DPP10: variants seen among roughly 807,000 people sequenced by gnomAD.
DPP10 encodes the protein dipeptidyl peptidase like 10.
A neutral mutation model predicts 120.9 loss-of-function variants in DPP10; 33 were observed. That is an observed-to-expected ratio of 0.27 (90% CI 0.21 to 0.37). The LOEUF is 0.37. DPP10 is among the 10% of genes least tolerant of loss of function. DPP10 has a pLI of 1.00. For missense variants in DPP10, 816 were observed against 942.8 expected, an observed-to-expected ratio of 0.87 and a Z score of 1.76; for synonymous variants, 337 against 326.1, an observed-to-expected ratio of 1.03 and a Z score of -0.36.
intron 1 of DPP10, among the ~76,000 whole-genome samples, chr2:114,912,946 A>G (rs1694484274): frequency 6.6e-6 from 1 of 152,152 alleles, no homozygotes; most frequent in Non-Finnish European, 1.5e-5. Context: ...AAGGCTTGCC[A>G]TGCTCCTCTA....
intron 5 of DPP10, among the ~76,000 whole-genome samples, chr2:115,604,219 G>A (rs2083549630): frequency 6.6e-6 from 1 of 151,994 alleles, no homozygotes; most frequent in East Asian, 1.9e-4. Flanking sequence ...TGATGACAGT[G>A]GATTCTTAGG....
chr2:114,561,770 A>G (rs931355025), intron 1 of DPP10, among the ~76,000 whole-genome samples: 3 of 152,146 alleles, frequency 2.0e-5, no homozygotes, highest in African/African-American at 7.2e-5. Context: ...GATGTTAGAA[A>G]TTTCAGTCAG....
chr2:115,527,659 C>T (rs958924565), intron 5 of DPP10, among the ~76,000 whole-genome samples: 1 of 152,150 alleles, frequency 6.6e-6, no homozygotes, highest in African/African-American at 2.4e-5. Flanking sequence ...CGGTTAAAAA[C>T]AACAACTATA....
intron 1 of DPP10, among the ~76,000 whole-genome samples, chr2:114,665,975 C>T (rs895919488): frequency 1.3e-5 from 2 of 152,184 alleles, no homozygotes; most frequent in Non-Finnish European, 2.9e-5. Flanking sequence ...AATTAGAAAT[C>T]TTAATATACA....
intron 1 of DPP10, among the ~76,000 whole-genome samples, chr2:114,815,115 G>A (rs1415221021): frequency 6.6e-6 from 1 of 152,220 alleles, no homozygotes; most frequent in Admixed American, 6.5e-5. Flanking sequence ...CCCCACCTGG[G>A]ATGGTGTTGG....
intron 3 of DPP10, among the ~76,000 whole-genome samples, chr2:115,409,257 C>T (rs76290090): frequency 0.012 from 1,756 of 151,794 alleles, 36 homozygotes; most frequent in African/African-American, 0.041. Flanking sequence ...CACAAATTAC[C>T]AAAACAAACT....
chr2:115,743,453 A>T (rs1352066621), intron 9 of DPP10, among the ~76,000 whole-genome samples: 1 of 152,170 alleles, frequency 6.6e-6, no homozygotes, highest in African/African-American at 2.4e-5. Flanking sequence ...TATGCCATAA[A>T]ACTGTGCATC....
intron 1 of DPP10, among the ~76,000 whole-genome samples, chr2:115,035,604 G>A (rs1461205202): frequency 2.0e-5 from 3 of 152,070 alleles, no homozygotes; most frequent in Admixed American, 1.3e-4. Context: ...CCTACTCTTT[G>A]ATTATAATTA....
At chr2:115,717,603 A>AT (rs2092536504) in intron 7 of DPP10, among the ~76,000 whole-genome samples, 1 of 152,040 alleles carries the variant, frequency 6.6e-6, no homozygotes, top group African/African-American at 2.4e-5. Flanking sequence ...TCTCAAAAAA[A>AT]AAATATATAT....
At chr2:114,480,114 A>G (rs139510107) in intron 1 of DPP10, among the ~76,000 whole-genome samples, 82,243 of 151,984 alleles carry the variant, frequency 0.54, 24,743 homozygotes, top group East Asian at 0.72. Flanking sequence ...AATGCTCATC[A>G]TCACTGGCCA....
At chr2:114,564,449 C>T (rs909292476) in intron 1 of DPP10, among the ~76,000 whole-genome samples, 2 of 152,152 alleles carry the variant, frequency 1.3e-5, no homozygotes, top group African/African-American at 4.8e-5. Context: ...AAAGCACCTA[C>T]TCTTCCCCCT....
At chr2:114,651,637 GTTAA>G (rs953835308) in intron 1 of DPP10, among the ~76,000 whole-genome samples, 10 of 152,148 alleles carry the variant, frequency 6.6e-5, no homozygotes, top group African/African-American at 1.9e-4. Context: ...CCTAGAAACG[GTTAA>G]TTAAGATTTT....
chr2:114,532,296 T>TATACACACAC (rs1342125338), intron 1 of DPP10, among the ~76,000 whole-genome samples: 1 of 74,794 alleles, frequency 1.3e-5, no homozygotes, highest in Non-Finnish European at 2.5e-5. Context: ...TATATATATA[T>TATACACACAC]ACACACACAC....
Position 114,518,764 on chromosome 2 carries a change from A to G in DPP10, c.60+75926A>G, listed in dbSNP as rs142922306. Among the ~76,000 whole-genome samples, 1,145 of 152,320 alleles carry G rather than the reference A, an allele frequency of 7.5e-3. 5 individuals carry two copies. Among genetic ancestry groups the G allele is most frequent in the Admixed American group, 0.024 (362 of 15,298 alleles). ...GTGTGCACATTACAGTTTGAAAAAT[A>G]TTGGTAAATATTATGGTCATCATAG... On this transcript the variant is annotated intron_variant, in intron 1 of 25. Coordinates refer to ENST00000410059, the MANE Select transcript of DPP10 (RefSeq NM_020868.6).
intron 2 of DPP10, among the ~76,000 whole-genome samples, chr2:115,326,919 T>C (rs1448662804): frequency 6.6e-6 from 1 of 152,030 alleles, no homozygotes; most frequent in East Asian, 1.9e-4. Context: ...ATGCATTTAA[T>C]GTAGACTGTG....
chr2:115,759,199 A>G (rs1679795741), intron 11 of DPP10, among the ~76,000 whole-genome samples: 1 of 152,046 alleles, frequency 6.6e-6, no homozygotes, highest in Non-Finnish European at 1.5e-5. Flanking sequence ...TAAAAACACA[A>G]CCTCATAAAA....
intron 4 of DPP10, among the ~76,000 whole-genome samples, chr2:115,520,552 A>G (rs1293412656): frequency 6.6e-6 from 1 of 151,836 alleles, no homozygotes; most frequent in Non-Finnish European, 1.5e-5. Context: ...GTCTTTAGAT[A>G]TTTTTATTAC....
intron 1 of DPP10, among the ~76,000 whole-genome samples, chr2:114,989,794 A>G (rs1391149396): frequency 6.6e-6 from 1 of 152,216 alleles, no homozygotes; most frequent in African/African-American, 2.4e-5. Flanking sequence ...TCTATATGCA[A>G]TTGATCTTTT....
chr2:115,578,672 T>C (rs1295886865), intron 5 of DPP10, among the ~76,000 whole-genome samples: 1 of 152,240 alleles, frequency 6.6e-6, no homozygotes, highest in Non-Finnish European at 1.5e-5. Flanking sequence ...GAGATGCTAA[T>C]CATTACAGAA....
Sources: gnomAD v4.1 joint callset for allele counts (sites outside exome capture counted in the v4.1 genomes callset) on GRCh38, gnomAD v4.1.1 for gene constraint, MANE v1.5 for transcripts, NCBI Gene and HGNC (gene_info 2026-07-23, HGNC 2026-07-21) for gene names.